Variants in KIAA1549 observed in about 807,000 individuals in gnomAD.
The protein encoded by KIAA1549 is KIAA1549, also known as UPF0606 protein KIAA1549.
Under a neutral mutation model 156.4 loss-of-function variants are expected in KIAA1549, and 70 were observed. The ratio of observed to expected loss-of-function variants is 0.45; its 90% CI spans 0.37 to 0.55. The LOEUF (loss-of-function observed/expected upper bound fraction) is 0.55, where lower values mean the gene tolerates loss of function less well. KIAA1549 is among the 20% of genes least tolerant of loss of function. KIAA1549 has a pLI of 0.00. For missense variants in KIAA1549, 2,428 were observed against 2,540.9 expected (o/e 0.96, Z 0.96); for synonymous variants, 1,103 against 1,066.4 (o/e 1.03, Z -0.67).
chr7:138,837,573 CTATACAGTTTAATCTCTACCTTTAAAAAA>C lies in KIAA1549; in HGVS notation c.*304_*332del. The C allele has an allele frequency of 2.1e-6, 1 of 480,452 alleles. No individual in the cohort carries two copies. Among genetic ancestry groups the C allele is most frequent in the Non-Finnish European group, 3.6e-6 (1 of 274,394 alleles). The allele number at this position is 480,452 out of a possible 1,614,324, so 29.8% of individuals were successfully genotyped here. A position where few individuals can be genotyped will look rare whatever the true frequency, so the allele number is the denominator to read the frequency against. ...TTGGTTCCTTTCATCCCTATGCTGT[CTATACAGTTTAATCTCTACCTTTAAAAAA>C]GAGACGAATGCAGTCATTTTGTTAG... On this transcript the variant is annotated 3_prime_UTR_variant, in exon 20 of 20. Coordinates refer to ENST00000422774, the MANE Select transcript of KIAA1549 (RefSeq NM_001164665.2).
chr7:138,964,449 C>T (rs754869595), intron 1 of KIAA1549, among the ~76,000 whole-genome samples: 22 of 152,216 alleles, frequency 1.4e-4, no homozygotes, highest in Non-Finnish European at 2.9e-4. Flanking sequence ...GGGATCCTTA[C>T]AGTACCTACC....
chr7:138,958,100 T>C (rs1813723244), intron 1 of KIAA1549, among the ~76,000 whole-genome samples: 1 of 152,270 alleles, frequency 6.6e-6, no homozygotes. Context: ...GCACGACTGT[T>C]ATCCTCTGGA....
chr7:138,875,868 T>A (rs2130394321), intron 12 of KIAA1549, among the ~76,000 whole-genome samples: 1 of 151,558 alleles, frequency 6.6e-6, no homozygotes, highest in Middle Eastern at 3.4e-3. Context: ...CAATCACAGA[T>A]CACTGCAGCC....
chr7:138,945,687 A>G (rs1215430816), intron 1 of KIAA1549, among the ~76,000 whole-genome samples: 1 of 152,250 alleles, frequency 6.6e-6, no homozygotes, highest in Admixed American at 6.5e-5. Flanking sequence ...CTTTAAAACC[A>G]GAACGCTAAC....
intron 1 of KIAA1549, among the ~76,000 whole-genome samples, chr7:138,968,183 T>C (rs1814088951): frequency 6.6e-6 from 1 of 151,822 alleles, no homozygotes; most frequent in Non-Finnish European, 1.5e-5. Context: ...CACCAGGCCC[T>C]CTCGGTAGGT....
chr7:138,938,202 C>G (rs777949350), intron 1 of KIAA1549, among the ~76,000 whole-genome samples: 1 of 152,150 alleles, frequency 6.6e-6, no homozygotes, highest in Non-Finnish European at 1.5e-5. Flanking sequence ...CACCAGAAAC[C>G]GAGCCTGCTA....
chr7:138,835,493 C>G lies in KIAA1549; in HGVS notation c.*2413G>C, dbSNP rs1031858591. On this transcript the variant is annotated 3_prime_UTR_variant, in exon 20 of 20. Transcript: ENST00000422774. ...CGGTCAGCCCAATTTGAAACAGAAC[C>G]CTCTTTCTGCAATGCTCAAAGGAGG... 9.0e-6 allele frequency: 2 copies of G among 221,016 alleles called. No homozygotes were observed. The highest frequency in any genetic ancestry group is 4.5e-5 in the African/African-American group (2 of 44,610). 13.7% of individuals were successfully genotyped at this position (221,016 alleles called of 1,614,324 possible). A position where few individuals can be genotyped will look rare whatever the true frequency, so the allele number is the denominator to read the frequency against.
chr7:138,910,804 T>A (rs577977183), intron 4 of KIAA1549, among the ~76,000 whole-genome samples: 37 of 136,796 alleles, frequency 2.7e-4, no homozygotes, highest in Admixed American at 5.6e-4. Flanking sequence ...CCTCCCAACC[T>A]CCTCTGCCTC....
rs777126258 is a variant in KIAA1549, at chr7:138,833,138, C to T, written c.*4768G>A. On this transcript the variant is annotated 3_prime_UTR_variant, in exon 20 of 20. Coordinates refer to ENST00000422774, the MANE Select transcript of KIAA1549 (RefSeq NM_001164665.2). The stretch of plus-strand genomic sequence containing the variant: ...TAGTACTGGCGCTGGCACCTTGCTC[C>T]GGAGGTAGAAATGACCACGGTGAAA... The T allele has an allele frequency of 4.3e-6, 1 of 232,206 alleles. No homozygotes were observed. Among genetic ancestry groups the T allele is most frequent in the African/African-American group, 2.2e-5 (1 of 45,272 alleles). The allele number at this position is 232,206 out of a possible 1,614,324, so 14.4% of individuals were successfully genotyped here.
Position 138,981,034 on chromosome 7 carries a change from A to G in KIAA1549, c.187+49T>C, listed in dbSNP as rs1814529568. ...CGGGGTTTTGAAAACAGCAGCGATAAAGGCAGGCGGGGTCGCGGCCGCGTT... is the reference window on the plus strand; with the variant it reads ...CGGGGTTTTGAAAACAGCAGCGATAGAGGCAGGCGGGGTCGCGGCCGCGTT... On this transcript the variant is annotated intron_variant, in intron 1 of 19. Coordinates refer to ENST00000422774, the MANE Select transcript of KIAA1549 (RefSeq NM_001164665.2). This position sits in a 1 kb window ranked among gnomAD's most constrained non-coding sequence, Gnocchi z 4.5. 1 of 1,205,962 alleles carries G rather than the reference A, an allele frequency of 8.3e-7. No individual in the cohort carries two copies. Among genetic ancestry groups the G allele is most frequent in the Non-Finnish European group, 1.0e-6 (1 of 969,860 alleles). 74.7% of individuals were successfully genotyped at this position (1,205,962 alleles called of 1,614,324 possible). A position where few individuals can be genotyped will look rare whatever the true frequency, so the allele number is the denominator to read the frequency against.
At chr7:138,861,113 G>A in intron 16 of KIAA1549, 26 bp downstream of exon 16, 1 of 1,610,930 alleles carries the variant, frequency 6.2e-7, no homozygotes, top group Non-Finnish European at 8.5e-7. Context: ...TTGCCCATCA[G>A]AGAATTCTAG....
Position 138,909,113 on chromosome 7 carries a change from A to G in KIAA1549, c.3154T>C (p.Phe1052Leu). Residue 1052 changes from phenylalanine (F) to leucine (L), a missense_variant, in exon 5 of 20, where the codon TTT (phenylalanine) becomes CTT (leucine). Physicochemically the swap from Phe to Leu is conservative, Grantham distance 22. Coordinates refer to ENST00000422774, the MANE Select transcript of KIAA1549 (RefSeq NM_001164665.2). ...SRFQVQTVLQ[F>L]VPPSVDTGFC... ...CCAGTATCCACACTCGGAGGCACAA[A>G]CTGAAGTACTGAAAAGAAAAGCAAT... 1 of 1,612,686 alleles carries G rather than the reference A, an allele frequency of 6.2e-7. No homozygotes were observed. Among genetic ancestry groups the G allele is most frequent in the Non-Finnish European group, 8.5e-7 (1 of 1,179,228 alleles).
chr7:138,928,178 C>T (rs1812776627), intron 1 of KIAA1549, among the ~76,000 whole-genome samples: 1 of 152,170 alleles, frequency 6.6e-6, no homozygotes, highest in African/African-American at 2.4e-5. Context: ...GCCTCGGCCT[C>T]CCAAAGTGCT....
chr7:138,974,258 T>G (rs1435688819), intron 1 of KIAA1549, among the ~76,000 whole-genome samples: 1 of 151,806 alleles, frequency 6.6e-6, no homozygotes. Flanking sequence ...TTGAGGCACC[T>G]GCTGTGCTGA....
Position 138,840,249 on chromosome 7 carries a change from C to A in KIAA1549, c.5482G>T (p.Gly1828Trp). Residue 1828 changes from glycine to tryptophan, a missense_variant, in exon 19 of 20, where the codon GGG becomes TGG. Coordinates refer to ENST00000422774, the MANE Select transcript of KIAA1549 (RefSeq NM_001164665.2). ...TGAGCTCCAATTCTGCTGGCAATCC[C>A]CACCTGTGTCAGGTGCTGGATCTGG... ...GSQIQHLTQV[G>W]IASRIGAQPV... is the part of the protein sequence containing the mutation. 6.3e-7 allele frequency: 1 copy of A among 1,595,202 alleles called. No homozygotes were observed. The highest frequency in any genetic ancestry group is 2.3e-5 in the East Asian group (1 of 44,190).
In KIAA1549 at chr7:138,918,055, G is replaced by A. The variant is rs1424216529; in HGVS notation, c.1571C>T (p.Ala524Val). 1.2e-5 allele frequency: 19 copies of A among 1,612,966 alleles called. No individual in the cohort carries two copies. Among genetic ancestry groups the A allele is most frequent in the Non-Finnish European group, 1.6e-5 (19 of 1,179,472 alleles). The change falls in exon 2 of 20, where the codon GCC becomes GTC. Residue 524 changes from alanine to valine, a missense_variant. Around this residue, in one of 5 missense-constraint regions of KIAA1549, gnomAD observed 893 missense variants for 847.9 expected, o/e 1.05. Transcript: ENST00000422774. This position sits in a 1 kb window ranked among gnomAD's most constrained non-coding sequence, Gnocchi z 4.2. ...SSVTTTQVPP[A>V]HGRLSVPASL... ...CGCCGGCACAGAGAGGCGGCCGTGG[G>A]CAGGGGGAACCTGTGTGGTTGTAAC... is the stretch of plus-strand genomic sequence containing the variant.
rs780762852 is a variant in KIAA1549, at chr7:138,881,552, A to G, written c.4065T>C (p.Phe1355=). 14 of 1,613,708 alleles carry G rather than the reference A, an allele frequency of 8.7e-6. No homozygotes were observed. The highest frequency in any genetic ancestry group is 1.6e-4 in the Middle Eastern group (1 of 6,084). ...LQIPSVKGFD[F]AKQHLGQHNK... is the part of the protein sequence containing the mutation. ...TGTGCTGACCCAGATGCTGCTTAGC[A>G]AAATCGAAGCCCTTCACACTAGGGA... is the stretch of plus-strand genomic sequence containing the variant. Residue 1355 remains phenylalanine (F), a synonymous_variant, in exon 11 of 20, where the codon TTT becomes TTC. Transcript: ENST00000422774.
chr7:138,898,893 A>G (rs886514122), intron 9 of KIAA1549, 62 bp downstream of exon 9: 1 of 1,471,716 alleles, frequency 6.8e-7, no homozygotes, highest in African/African-American at 1.4e-5. Flanking sequence ...TCACTGTCAG[A>G]ACGAGCCTGG....
chr7:138,945,513 C>T (rs554014232), intron 1 of KIAA1549, among the ~76,000 whole-genome samples: 23 of 152,328 alleles, frequency 1.5e-4, no homozygotes, highest in Admixed American at 1.5e-3. Context: ...CCACTAAGTA[C>T]TTTGCAGCTC....
Sources: allele counts gnomAD v4.1 joint callset (sites outside exome capture counted in the v4.1 genomes callset), GRCh38; gene constraint gnomAD v4.1.1; regional missense constraint gnomAD v4.1.1; non-coding constraint Gnocchi (gnomAD v3.1); transcripts MANE v1.5; gene names NCBI Gene and HGNC (gene_info 2026-07-23, HGNC 2026-07-21).